PCNT: variants seen among roughly 807,000 people sequenced by gnomAD.
The protein encoded by PCNT is pericentrin, also known as kendrin.
PCNT carries 319 observed loss-of-function variants against 380.4 expected under a neutral mutation model. The ratio of observed to expected loss-of-function variants is 0.84; its 90% CI spans 0.77 to 0.92. PCNT has a LOEUF of 0.92. PCNT is among the 40% of genes least tolerant of loss of function. PCNT has a pLI of 0.00. For missense variants in PCNT, 4,400 were observed against 4,255.3 expected, an observed-to-expected ratio of 1.03 and a Z score of -0.95; for synonymous variants, 1,845 against 1,735.2, an observed-to-expected ratio of 1.06 and a Z score of -1.57.
intron 27 of PCNT, among the ~76,000 whole-genome samples, chr21:46,408,283 T>A (rs1203172627): frequency 6.6e-6 from 1 of 152,222 alleles, no homozygotes; most frequent in Non-Finnish European, 1.5e-5. Flanking sequence ...GACCACAGTT[T>A]GTTGATCCAT....
At chr21:46,441,539 A>G (rs1039123255) in intron 43 of PCNT, among the ~76,000 whole-genome samples, 1 of 152,136 alleles carries the variant, frequency 6.6e-6, no homozygotes, top group Admixed American at 6.6e-5. Context: ...CAGTTCAGTC[A>G]TCGCGGCTGC....
chr21:46,334,221 A>AC (rs2083656066), intron 2 of PCNT, among the ~76,000 whole-genome samples, 176 bp from the exon 3 acceptor site: 1 of 150,030 alleles, frequency 6.7e-6, no homozygotes, highest in African/African-American at 2.5e-5. Flanking sequence ...AAAAAAAAAA[A>AC]TGTTTAGAGC....
intron 11 of PCNT, among the ~76,000 whole-genome samples, 189 bp from the exon 12 acceptor site, chr21:46,355,263 G>C (rs904997035): frequency 4.6e-5 from 7 of 152,266 alleles, no homozygotes; most frequent in African/African-American, 1.4e-4. Flanking sequence ...TGAGAGACGG[G>C]TGTGGGCGGG....
intron 3 of PCNT, among the ~76,000 whole-genome samples, chr21:46,344,539 C>T (rs1163281989): frequency 6.6e-6 from 1 of 152,358 alleles, no homozygotes; most frequent in East Asian, 1.9e-4. Context: ...GCCTGTATCT[C>T]TCCATCCCTA....
Position 46,345,419 on chromosome 21 carries a change from T to C in PCNT, c.640-709T>C, listed in dbSNP as rs143498035. Reference sequence around the variant, plus strand: ...TTTTAGTAGAGATGGGGTTTCACCATGTTGGCCAGGCTGGTCTCGAACTCC... The same window carrying C: ...TTTTAGTAGAGATGGGGTTTCACCACGTTGGCCAGGCTGGTCTCGAACTCC... On this transcript the variant is annotated intron_variant, in intron 3 of 46. Transcript: ENST00000359568. Among the ~76,000 whole-genome samples the C allele has an allele frequency of 6.0e-3, 915 of 152,230 alleles. 7 individuals are homozygous for C. Among genetic ancestry groups the C allele is most frequent in the Middle Eastern group, 0.02 (6 of 294 alleles).
chr21:46,366,822 C>A lies in PCNT; in HGVS notation c.2848C>A (p.Gln950Lys), dbSNP rs1334537530. The A allele has an allele frequency of 2.5e-6, 4 of 1,613,842 alleles. No homozygotes were observed. The highest frequency in any genetic ancestry group is 3.4e-6 in the Non-Finnish European group (4 of 1,180,054). The change falls in exon 15 of 47, where the codon CAG (glutamine) becomes AAG (lysine). Residue 950 changes from glutamine (Q) to lysine (K), a missense_variant. Gln to Lys is a moderately conservative substitution (Grantham distance 53). Coordinates refer to ENST00000359568, the MANE Select transcript of PCNT (RefSeq NM_006031.6). The part of the protein sequence containing the change: ...ALLAARVAEL[Q>K]TKHAADLGAL... ...GCTGGCTGCACGTGTGGCCGAACTG[C>A]AGACAAAACACGCTGCCGACCTCGG...
chr21:46,408,101 A>G (rs758010723), intron 27 of PCNT, among the ~76,000 whole-genome samples: 66 of 152,222 alleles, frequency 4.3e-4, no homozygotes, highest in Non-Finnish European at 3.8e-4. Flanking sequence ...AATCACCACA[A>G]TCTCATCACT....
intron 15 of PCNT, among the ~76,000 whole-genome samples, chr21:46,378,872 TTCTA>T (rs1222802151): frequency 2.6e-5 from 4 of 152,206 alleles, no homozygotes; most frequent in Admixed American, 6.5e-5. Flanking sequence ...AACCACATCT[TTCTA>T]TCTTTTTGTG....
Position 46,416,651 on chromosome 21 carries a change from A to C in PCNT, c.6733A>C (p.Thr2245Pro). The C allele has an allele frequency of 6.4e-7, 1 of 1,565,176 alleles. No homozygotes were observed. Among genetic ancestry groups the C allele is most frequent in the Non-Finnish European group, 8.6e-7 (1 of 1,157,260 alleles). ...TLEPWPSLPV[T>P]PHSGALSLCS... ...GGAGCCCTGGCCCAGCCTCCCCGTG[A>C]CACCCCACTCAGGAGCCCTGAGCCT... Residue 2245 changes from threonine to proline, a missense_variant, in exon 30 of 47, where the codon ACA becomes CCA. Thr to Pro is a conservative substitution (Grantham distance 38). Transcript: ENST00000359568.
intron 12 of PCNT, 139 bp from the exon 13 acceptor site, chr21:46,356,835 T>G: frequency 1.4e-6 from 1 of 713,890 alleles, no homozygotes; most frequent in Non-Finnish European, 2.5e-6. Flanking sequence ...CTTTCATCAC[T>G]GAGTCAGCAC....
intron 3 of PCNT, among the ~76,000 whole-genome samples, chr21:46,343,334 A>C (rs1423252913): frequency 6.6e-6 from 1 of 152,082 alleles, no homozygotes. Flanking sequence ...TGAGGGTTTT[A>C]ATCGTAAAGG....
chr21:46,424,506 G>A (rs1276046743), intron 32 of PCNT, among the ~76,000 whole-genome samples: 1 of 152,244 alleles, frequency 6.6e-6, no homozygotes, highest in Non-Finnish European at 1.5e-5. Flanking sequence ...CAAGGGCCCC[G>A]TGTCACCTGG....
intron 30 of PCNT, among the ~76,000 whole-genome samples, chr21:46,417,153 G>C (rs2087059206): frequency 3.4e-5 from 5 of 145,242 alleles, no homozygotes; most frequent in Admixed American, 3.4e-4. Flanking sequence ...TGTCCAGAAT[G>C]GTTTTTTAGA....
At chr21:46,333,856 G>T (rs765670229) in intron 2 of PCNT, among the ~76,000 whole-genome samples, 74 of 149,382 alleles carry the variant, frequency 5.0e-4, no homozygotes, top group Non-Finnish European at 9.4e-4. Context: ...AAAAAAAGTA[G>T]AATTCATTAA....
At position 46,431,966 on chromosome 21, in the gene PCNT, G is replaced by T; in HGVS notation, c.8502G>T (p.Arg2834Ser). The T allele has an allele frequency of 6.2e-7, 1 of 1,614,008 alleles. No homozygotes were observed. The highest frequency in any genetic ancestry group is 8.5e-7 in the Non-Finnish European group (1 of 1,180,038). Residue 2834 changes from arginine to serine, a missense_variant, in exon 38 of 47, where the codon AGG becomes AGT. Transcript: ENST00000359568. ...CTCAGAAGCACTGTGAGGCGCTCAG[G>T]AGAGAGAAGGAGGTAAGTGCCACAC... ...AEAQKHCEALRREKEVSATLK... is the reference protein window; with the variant it reads ...AEAQKHCEALSREKEVSATLK...
At chr21:46,423,790 GA>G in intron 32 of PCNT, among the ~76,000 whole-genome samples, 1 of 98,086 alleles carries the variant, frequency 1.0e-5, no homozygotes. Context: ...AGGGGGAGGG[GA>G]GGAGGAAGAG....
intron 44 of PCNT, chr21:46,442,957 C>T (rs563529316): frequency 3.1e-6 from 1 of 318,256 alleles, no homozygotes; most frequent in East Asian, 8.5e-5. Context: ...CTCGGGAGTT[C>T]TCTGCCGAGC....
At chr21:46,417,396 A>T (rs906225578) in intron 30 of PCNT, among the ~76,000 whole-genome samples, 30 of 151,490 alleles carry the variant, frequency 2.0e-4, no homozygotes, top group African/African-American at 7.3e-4. Flanking sequence ...GTTTTACCTT[A>T]TTGGTCAGGC....
chr21:46,436,925 A>G lies in PCNT; in HGVS notation c.8997-54A>G, dbSNP rs545047663. ...GCCGTGAGCTCTTGTTTAGTTTTGC[A>G]TAATGGTCACTTGGGGCGCGTATGC... On this transcript the variant is annotated intron_variant, in intron 39 of 46. Transcript: ENST00000359568. 158 of 1,275,182 alleles carry G rather than the reference A, an allele frequency of 1.2e-4. 1 individual carries two copies. Among genetic ancestry groups the G allele is most frequent in the Non-Finnish European group, 1.7e-4 (152 of 871,348 alleles). The allele number at this position is 1,275,182 out of a possible 1,614,324, so 79.0% of individuals were successfully genotyped here. A position where few individuals can be genotyped will look rare whatever the true frequency, so the allele number is the denominator to read the frequency against.
Sources: gnomAD v4.1 joint callset for allele counts (sites outside exome capture counted in the v4.1 genomes callset) on GRCh38, gnomAD v4.1.1 for gene constraint, MANE v1.5 for transcripts, NCBI Gene and HGNC (gene_info 2026-07-23, HGNC 2026-07-21) for gene names.